Variants in LUZP1 observed in about 807,000 individuals in gnomAD.
LUZP1 encodes the protein leucine zipper protein 1, also known as filamin mechanobinding actin cross-linking protein.
LUZP1 carries 25 observed loss-of-function variants against 71.3 expected under a neutral mutation model. The observed-to-expected ratio is 0.35, with a 90% CI of 0.26 to 0.49. The LOEUF is 0.49. Ranked by LOEUF, LUZP1 falls within the 20% of genes least tolerant of loss-of-function variation. The probability of loss-of-function intolerance (pLI) is 0.99; values close to 1 mark genes in which losing one functional copy is unlikely to be tolerated. For missense variants in LUZP1, 1,142 were observed against 1,300.8 expected (o/e 0.88, Z 1.88); for synonymous variants, 481 against 506.4 (o/e 0.95, Z 0.67).
At chr1:23,135,508 A>G (rs780954732) in intron 2 of LUZP1, among the ~76,000 whole-genome samples, 3 of 152,220 alleles carry the variant, frequency 2.0e-5, no homozygotes, top group Non-Finnish European at 4.4e-5. Context: ...ATTCTATTGA[A>G]GATTCAGAAA....
intron 2 of LUZP1, among the ~76,000 whole-genome samples, chr1:23,167,887 G>A (rs1216583951): frequency 6.6e-6 from 1 of 151,966 alleles, no homozygotes; most frequent in Non-Finnish European, 1.5e-5. Flanking sequence ...TGCCCGGGCG[G>A]CTGGGCGGGG....
intron 2 of LUZP1, chr1:23,140,734 G>A (rs537855418): frequency 1.3e-5 from 2 of 152,694 alleles, no homozygotes; most frequent in East Asian, 3.9e-4. Context: ...ATGAGCCAGT[G>A]GCACCCAAGG....
chr1:23,127,347 A>G (rs1644180067), intron 2 of LUZP1, among the ~76,000 whole-genome samples: 2 of 152,130 alleles, frequency 1.3e-5, no homozygotes, highest in African/African-American at 4.8e-5. Flanking sequence ...TTTTCACTGT[A>G]TTAGTTTAAT....
At chr1:23,106,764 C>T (rs1643985543) in intron 3 of LUZP1, among the ~76,000 whole-genome samples, 1 of 152,186 alleles carries the variant, frequency 6.6e-6, no homozygotes, top group Admixed American at 6.5e-5. Flanking sequence ...CCCTGGACTA[C>T]TGATTACTGC....
chr1:23,107,582 C>T (rs1343404248), intron 3 of LUZP1, among the ~76,000 whole-genome samples: 1 of 152,152 alleles, frequency 6.6e-6, no homozygotes, highest in African/African-American at 2.4e-5. Flanking sequence ...GGGCAAATCA[C>T]CTGAGGTCAG....
chr1:23,139,019 A>AAAAAAAT (rs1317355746), intron 2 of LUZP1, among the ~76,000 whole-genome samples: 23 of 59,954 alleles, frequency 3.8e-4, no homozygotes, highest in African/African-American at 1.0e-3. Context: ...AAAAAAAAAA[A>AAAAAAAT]ATATATATAT....
chr1:23,146,116 C>T (rs994665953), intron 2 of LUZP1, among the ~76,000 whole-genome samples: 2 of 152,082 alleles, frequency 1.3e-5, no homozygotes, highest in Non-Finnish European at 2.9e-5. Context: ...CTGCAACCTC[C>T]ACCTCCTGGG....
rs1384424460 is a variant in LUZP1 at position 23,087,791 on chromosome 1, G to GT, written c.*1103dup. The GT allele has an allele frequency of 4.6e-5, 7 of 152,728 alleles. 1 individual carries two copies. In the East Asian group the frequency reaches 1.2e-3, roughly 25 times the overall value. The allele number at this position is 152,728 out of a possible 1,614,324, so 9.5% of individuals were successfully genotyped here. A position where few individuals can be genotyped will look rare whatever the true frequency, so the allele number is the denominator to read the frequency against. On this transcript the variant is annotated 3_prime_UTR_variant, in exon 5 of 5. Coordinates refer to ENST00000302291, the Ensembl canonical transcript of LUZP1. ...GCTGAGGCCCTCAATGCGTATGTAC[G>GT]TATCACCTTTCCTCCAGCGAAGTCA...
intron 2 of LUZP1, among the ~76,000 whole-genome samples, chr1:23,135,178 G>A (rs969524288): frequency 2.6e-5 from 4 of 152,052 alleles, no homozygotes; most frequent in Non-Finnish European, 5.9e-5. Flanking sequence ...TAAGGACTGG[G>A]GCAGCACCCA....
intron 3 of LUZP1, among the ~76,000 whole-genome samples, chr1:23,107,314 GTTTA>G (rs140573155): frequency 0.018 from 2,690 of 152,124 alleles, 92 homozygotes; most frequent in African/African-American, 0.061. Flanking sequence ...CTACTCACCT[GTTTA>G]TTTATTTATA....
In LUZP1 at chr1:23,119,811, A is replaced by C. The variant is rs535093332; in HGVS notation, c.-225-10684T>G. Among the ~76,000 whole-genome samples the C allele has an allele frequency of 2.0e-5, 3 of 152,348 alleles. No homozygotes were observed. In the East Asian group the frequency reaches 5.8e-4, roughly 29 times the overall value. ...CCTATACTTACGAAGACTCTTATGT[A>C]TAAATGGACTTATATAAACTTATAA... On this transcript the variant is annotated intron_variant, in intron 2 of 4. Transcript: ENST00000302291.
intron 2 of LUZP1, among the ~76,000 whole-genome samples, chr1:23,157,602 A>C (rs1644430002): frequency 6.6e-6 from 1 of 152,028 alleles, no homozygotes; most frequent in African/African-American, 2.4e-5. Flanking sequence ...ACCAGCCTGG[A>C]CAACACAGTG....
intron 1 of LUZP1, among the ~76,000 whole-genome samples, chr1:23,170,340 A>G (rs1304578569): frequency 6.6e-6 from 1 of 152,148 alleles, no homozygotes; most frequent in Non-Finnish European, 1.5e-5. Flanking sequence ...AAATGGGGAT[A>G]ATAATATAGT....
exon 5 of LUZP1, chr1:23,088,920 G>T (rs755311471): frequency 6.2e-7 from 1 of 1,614,020 alleles, no homozygotes; most frequent in Non-Finnish European, 8.5e-7. Flanking sequence ...ACAGGGCCTG[G>T]TTGGCCGTAA....
intron 2 of LUZP1, among the ~76,000 whole-genome samples, chr1:23,118,639 C>T (rs1208506897): frequency 6.6e-6 from 1 of 152,154 alleles, no homozygotes; most frequent in Non-Finnish European, 1.5e-5. Flanking sequence ...AGTGGGTCTA[C>T]CTTTGGCCAG....
At chr1:23,164,942 G>T (rs1003780429) in intron 2 of LUZP1, among the ~76,000 whole-genome samples, 2 of 152,114 alleles carry the variant, frequency 1.3e-5, no homozygotes, top group African/African-American at 2.4e-5. Context: ...AAAATAAAAA[G>T]TTCAACTCCT....
In LUZP1 at chr1:23,094,233, G is replaced by A. The variant is rs551821811; in HGVS notation, c.29C>T (p.Thr10Met). 41 of 1,612,170 alleles carry A rather than the reference G, an allele frequency of 2.5e-5. No homozygotes were observed. The highest frequency in any genetic ancestry group is 1.7e-4 in the Middle Eastern group (1 of 6,046). ...AAACCGCAAGTGGCGGCTGGAGGCC[G>A]TCTCCTTGTAGCTTGTAAATTCGGC... The change falls in exon 4 of 5, where the codon ACG becomes ATG. Residue 10 changes from threonine (T) to methionine (M), a missense_variant. Transcript: ENST00000302291. The surrounding 1 kb of genome is among the most constrained non-coding windows in gnomAD (Gnocchi z 4.7).
rs200392566 is a variant in LUZP1 at position 23,157,858 on chromosome 1, T to A, written c.-226+10908A>T. 6.2e-5 allele frequency among the ~76,000 whole-genome samples: 8 copies of A among 128,384 alleles called. No homozygotes were observed. In the East Asian group the frequency reaches 9.6e-4, roughly 15 times the overall value. 84.2% of individuals were successfully genotyped at this position (128,384 alleles called of 152,430 possible). ...CTTGCCCCTACCAAAAAAAAAAAAA[T>A]TTAATTAGCCAGGCATGGTGGCATG... On this transcript the variant is annotated intron_variant, in intron 2 of 4. Coordinates refer to ENST00000302291, the Ensembl canonical transcript of LUZP1.
At chr1:23,126,744 G>A (rs1644175180) in intron 2 of LUZP1, among the ~76,000 whole-genome samples, 1 of 152,130 alleles carries the variant, frequency 6.6e-6, no homozygotes, top group Admixed American at 6.6e-5. Context: ...ATCCTGGATG[G>A]CCATTCTTGC....
Sources: gnomAD v4.1 joint callset for allele counts (sites outside exome capture counted in the v4.1 genomes callset) on GRCh38, gnomAD v4.1.1 for gene constraint, Gnocchi (gnomAD v3.1) non-coding constraint, MANE v1.5 for transcripts, NCBI Gene and HGNC (gene_info 2026-07-23, HGNC 2026-07-21) for gene names.